The following SLIT1 variants were observed in gnomAD, a reference collection of about 807,000 sequenced individuals.
SLIT1 encodes the protein slit homolog 1 protein.
SLIT1 carries 66 observed loss-of-function variants against 186.1 expected under a neutral mutation model. The observed-to-expected ratio is 0.35, with a 90% confidence interval of 0.29 to 0.44. The LOEUF (loss-of-function observed/expected upper bound fraction) is 0.44. Among genes scored for constraint, SLIT1 ranks in the 20% least tolerant of loss-of-function variants. SLIT1 has a pLI of 1.00. For missense variants in SLIT1, 1,638 were observed against 2,037.4 expected (o/e 0.80, Z 3.77); for synonymous variants, 761 against 833.8 (o/e 0.91, Z 1.50).
intron 4 of SLIT1, among the ~76,000 whole-genome samples, chr10:97,138,423 G>A (rs576299617): frequency 3.3e-5 from 5 of 152,332 alleles, no homozygotes; most frequent in East Asian, 3.9e-4. Context: ...GGCCGGGGAC[G>A]GTCACCACGG....
At position 97,001,327 on chromosome 10, in the gene SLIT1, C is replaced by G; in HGVS notation, c.4390G>C (p.Val1464Leu). Residue 1464 changes from valine to leucine, a missense_variant, in exon 37 of 37, where the codon GTC becomes CTC. Transcript: ENST00000266058. ...EQESECRGDP[V>L]RDFHQVQRGY... ...CTCTGGACCTGGTGAAAGTCCCGGACAGGGTCCCCCCGGCACTCGGACTCT... is the reference window on the plus strand; with the variant it reads ...CTCTGGACCTGGTGAAAGTCCCGGAGAGGGTCCCCCCGGCACTCGGACTCT... The G allele has an allele frequency of 6.2e-7, 1 of 1,612,928 alleles. No individual in the cohort carries two copies. Among genetic ancestry groups the G allele is most frequent in the Non-Finnish European group, 8.5e-7 (1 of 1,179,858 alleles).
Position 97,043,715 on chromosome 10 carries a change from G to A in SLIT1, c.1854-202C>T, listed in dbSNP as rs895348231. On this transcript the variant is annotated intron_variant, in intron 18 of 36. Transcript: ENST00000266058. The surrounding 1 kb of genome is among the most constrained non-coding windows in gnomAD (Gnocchi z 7.0). ...CTGTGCCCACTCCAGACCCGCCCCCGCCTCTGAGAAGCCTCGAGGCTCTGT... is the reference window on the plus strand; with the variant it reads ...CTGTGCCCACTCCAGACCCGCCCCCACCTCTGAGAAGCCTCGAGGCTCTGT... Among the ~76,000 whole-genome samples the A allele has an allele frequency of 2.0e-5, 3 of 152,020 alleles. No homozygotes were observed. Among genetic ancestry groups the A allele is most frequent in the Admixed American group, 6.6e-5 (1 of 15,266 alleles).
intron 4 of SLIT1, among the ~76,000 whole-genome samples, chr10:97,121,487 G>C (rs1034188778): frequency 6.6e-6 from 1 of 152,142 alleles, no homozygotes; most frequent in Admixed American, 6.6e-5. Flanking sequence ...TCTTATTTAA[G>C]CCTTCAGTAA....
chr10:97,092,344 A>G (rs1287377589), intron 4 of SLIT1, among the ~76,000 whole-genome samples: 1 of 152,236 alleles, frequency 6.6e-6, no homozygotes, highest in Middle Eastern at 3.2e-3. Context: ...CTGGGAAGAG[A>G]CATGCACTCA....
intron 34 of SLIT1, 40 bp from the exon 35 acceptor site, chr10:97,003,032 T>A: frequency 6.3e-7 from 1 of 1,583,542 alleles, no homozygotes; most frequent in Non-Finnish European, 8.6e-7. Context: ...TGAGTAAAGC[T>A]CGGGCTATGC....
Position 97,043,443 on chromosome 10 carries a change from G to A in SLIT1, c.1924C>T (p.Leu642Phe), listed in dbSNP as rs1848707751. 6.2e-7 allele frequency: 1 copy of A among 1,613,922 alleles called. No homozygotes were observed. The highest frequency in any genetic ancestry group is 1.7e-5 in the Admixed American group (1 of 60,016). The change falls in exon 19 of 37, where the codon CTC becomes TTC. Residue 642 changes from leucine to phenylalanine, a missense_variant. Coordinates refer to ENST00000266058, the MANE Select transcript of SLIT1 (RefSeq NM_003061.3). The surrounding 1 kb of genome is among the most constrained non-coding windows in gnomAD (Gnocchi z 7.0). ...SFTGLRNVRL[L>F]SLYDNQITTV... ...GTGATCTGGTTGTCGTAGAGCGAGA[G>A]GAGCCGGACGTTGCGCAGGCCCGTG... is the stretch of plus-strand genomic sequence containing the variant.
chr10:97,064,914 T>C (rs1009228341), intron 5 of SLIT1, 38 bp from the exon 6 acceptor site: 19 of 1,544,368 alleles, frequency 1.2e-5, no homozygotes, highest in Admixed American at 1.7e-5. Flanking sequence ...GAAGGGCACA[T>C]TGCCTAGAGT....
chr10:97,146,384 C>T (rs1849817656), intron 4 of SLIT1, among the ~76,000 whole-genome samples: 1 of 152,220 alleles, frequency 6.6e-6, no homozygotes, highest in Non-Finnish European at 1.5e-5. Flanking sequence ...CAAGTCATCA[C>T]TGCATCCCTG....
At chr10:97,056,855 A>G (rs924217408) in intron 12 of SLIT1, among the ~76,000 whole-genome samples, 3 of 152,120 alleles carry the variant, frequency 2.0e-5, no homozygotes, top group East Asian at 3.9e-4. Context: ...GCCCTGGGAG[A>G]CAATCCCTGC....
chr10:97,038,749 T>C (rs1255149226), intron 21 of SLIT1, among the ~76,000 whole-genome samples: 4 of 152,198 alleles, frequency 2.6e-5, no homozygotes, highest in Admixed American at 2.6e-4. Context: ...AAAGGAGGGC[T>C]GTGCTCATCC....
At chr10:97,132,402 T>A (rs1472341385) in intron 4 of SLIT1, among the ~76,000 whole-genome samples, 2 of 152,240 alleles carry the variant, frequency 1.3e-5, no homozygotes, top group Non-Finnish European at 2.9e-5. Context: ...CCAGCTCCGA[T>A]GTCTGAGAGT....
intron 13 of SLIT1, among the ~76,000 whole-genome samples, 183 bp from the exon 14 acceptor site, chr10:97,049,301 G>A (rs1046051315): frequency 2.0e-5 from 3 of 152,178 alleles, no homozygotes; most frequent in African/African-American, 7.2e-5. Context: ...ACCACCTCTG[G>A]AGAGGTCCTG....
chr10:97,078,135 A>C (rs763657292), intron 4 of SLIT1, among the ~76,000 whole-genome samples: 1 of 152,162 alleles, frequency 6.6e-6, no homozygotes, highest in Non-Finnish European at 1.5e-5. Context: ...TAAATAAAAT[A>C]AAATGTGGAA....
chr10:97,037,791 A>G, intron 21 of SLIT1, 25 bp from the exon 22 acceptor site: 2 of 1,586,142 alleles, frequency 1.3e-6, no homozygotes, highest in East Asian at 4.5e-5. Flanking sequence ...CAGCGGCGTT[A>G]GTGCCCATCT....
At chr10:97,108,355 A>G (rs1214676824) in intron 4 of SLIT1, among the ~76,000 whole-genome samples, 1 of 152,234 alleles carries the variant, frequency 6.6e-6, no homozygotes, top group Non-Finnish European at 1.5e-5. Flanking sequence ...AAGGAGAGTA[A>G]CAGTGCTGAG....
intron 1 of SLIT1, among the ~76,000 whole-genome samples, chr10:97,166,672 G>C (rs1850125186): frequency 6.6e-6 from 1 of 150,622 alleles, no homozygotes; most frequent in Admixed American, 6.6e-5. Flanking sequence ...AAAGAGAAAA[G>C]AAAAAAGAAA....
Position 97,164,830 on chromosome 10 carries a change from C to A in SLIT1, c.258G>T (p.Gln86His). ...IHKNDFAGLK[Q>H]LRVLQLMENQ... Reference sequence around the variant, plus strand: ...CACCCCATACTCACAGCACCCGCAGCTGCTTGAGCCCCGCAAAGTCATTCT... The same window carrying A: ...CACCCCATACTCACAGCACCCGCAGATGCTTGAGCCCCGCAAAGTCATTCT... The change falls in exon 2 of 37, where the codon CAG becomes CAT. Residue 86 changes from glutamine (Q) to histidine (H), a missense_variant. Physicochemically the swap from Gln to His is conservative, Grantham distance 24 (BLOSUM62 0). Transcript: ENST00000266058. 1 of 1,613,294 alleles carries A rather than the reference C, an allele frequency of 6.2e-7. No homozygotes were observed. Among genetic ancestry groups the A allele is most frequent in the Non-Finnish European group, 8.5e-7 (1 of 1,179,326 alleles).
At chr10:97,148,950 G>A (rs890360446) in intron 4 of SLIT1, among the ~76,000 whole-genome samples, 2 of 152,332 alleles carry the variant, frequency 1.3e-5, no homozygotes, top group East Asian at 1.9e-4. Context: ...TGTAGGAGAG[G>A]ACCAGTGGCT....
chr10:97,085,168 C>A (rs1028497021), intron 4 of SLIT1, among the ~76,000 whole-genome samples: 46 of 152,138 alleles, frequency 3.0e-4, no homozygotes, highest in African/African-American at 1.1e-3. Context: ...CGTGATCCAC[C>A]CTCCTTTGCC....
Sources: allele counts gnomAD v4.1 joint callset (sites outside exome capture counted in the v4.1 genomes callset), GRCh38; gene constraint gnomAD v4.1.1; non-coding constraint Gnocchi (gnomAD v3.1); transcripts MANE v1.5; gene names NCBI Gene and HGNC (gene_info 2026-07-23, HGNC 2026-07-21).